The following ZNF407 variants were observed in gnomAD, a reference collection of about 807,000 sequenced individuals.
The protein encoded by ZNF407 is zinc finger protein 407.
In ZNF407, 17 loss-of-function variants were observed where a neutral mutation model predicts 131.2. The observed-to-expected ratio is 0.13, with a 90% confidence interval of 0.09 to 0.19. The LOEUF is 0.19. Among genes scored for constraint, ZNF407 ranks in the 10% least tolerant of loss-of-function variants. The probability of loss-of-function intolerance (pLI) is 1.00; values close to 1 mark genes in which losing one functional copy is unlikely to be tolerated. For synonymous variants in ZNF407, 1,156 were observed against 1,062.0 expected (o/e 1.09, Z -1.72); for missense variants, 2,681 against 2,830.6 (o/e 0.95, Z 1.20).
chr18:74,846,143 A>C (rs984902552), intron 4 of ZNF407, among the ~76,000 whole-genome samples: 5 of 152,206 alleles, frequency 3.3e-5, no homozygotes, highest in Non-Finnish European at 7.3e-5. Context: ...TGAACATTCA[A>C]AATGGTCTAT....
At chr18:74,994,932 C>T (rs753549859) in intron 8 of ZNF407, among the ~76,000 whole-genome samples, 2 of 152,038 alleles carry the variant, frequency 1.3e-5, no homozygotes, top group African/African-American at 2.4e-5. Flanking sequence ...ATAAAAGCAA[C>T]GAAATTTCAA....
rs1283245803 is a variant in ZNF407 at position 74,880,820 on chromosome 18, G to A, written c.5045-216G>A. On this transcript the variant is annotated intron_variant, in intron 5 of 8. Transcript: ENST00000299687. ...ACAAAACCATTCCATTGATAATAAA[G>A]CTAATTTTTATGGGTCTGACAAGTA... 3.9e-5 allele frequency among the ~76,000 whole-genome samples: 6 copies of A among 152,312 alleles called. No individual in the cohort carries two copies. The East Asian group carries it at 1.2e-3, about 29-fold the overall frequency.
intron 8 of ZNF407, among the ~76,000 whole-genome samples, chr18:74,948,248 T>C (rs753345400): frequency 6.6e-6 from 1 of 152,232 alleles, no homozygotes; most frequent in African/African-American, 2.4e-5. Context: ...CAGTAGCGGC[T>C]TTTTTCACTT....
intron 1 of ZNF407, among the ~76,000 whole-genome samples, chr18:74,630,653 A>T (rs529462138): frequency 9.3e-5 from 14 of 151,012 alleles, no homozygotes; most frequent in South Asian, 4.2e-4. Flanking sequence ...TTTTTTTTTT[A>T]AAAGGGTAGT....
rs148612524 is a variant in ZNF407, at chr18:74,785,674, G to A, written c.4877+4172G>A. On this transcript the variant is annotated intron_variant, in intron 4 of 8. Transcript: ENST00000299687. ...CTATTTTTCAAGTTTACACAGGAGC[G>A]TCACCTTTTTTTTATGAAACATGAA... Among the ~76,000 whole-genome samples the A allele has an allele frequency of 9.2e-3, 1,394 of 152,248 alleles. 23 individuals are homozygous for A. The highest frequency in any genetic ancestry group is 0.03 in the African/African-American group (1,259 of 41,518).
intron 1 of ZNF407, among the ~76,000 whole-genome samples, chr18:74,627,235 G>A (rs1983823306): frequency 6.6e-6 from 1 of 152,130 alleles, no homozygotes; most frequent in South Asian, 2.1e-4. Flanking sequence ...GTTGGACAAT[G>A]TATCTGTTTT....
chr18:74,636,344 C>A (rs1201138482), intron 2 of ZNF407, among the ~76,000 whole-genome samples: 3 of 151,190 alleles, frequency 2.0e-5, no homozygotes, highest in African/African-American at 7.3e-5. Context: ...TTTAAAAAAA[C>A]ATTTTTTTTT....
At chr18:74,684,583 A>G (rs981896720) in intron 3 of ZNF407, among the ~76,000 whole-genome samples, 19 of 152,332 alleles carry the variant, frequency 1.2e-4, no homozygotes, top group Middle Eastern at 6.8e-3. Context: ...GAGATTTTAC[A>G]GATTGTAAAC....
At position 75,064,969 on chromosome 18, in the gene ZNF407, T is replaced by C. The variant is rs1448946598; in HGVS notation, c.*501T>C. ...CTGGGCTAAAAATTGCAGCTACAAG[T>C]GTTACCATCTTGAAGCAGTCCACTT... On this transcript the variant is annotated 3_prime_UTR_variant, in exon 9 of 9. Transcript: ENST00000299687. The C allele has an allele frequency of 6.5e-6, 1 of 152,952 alleles. No individual in the cohort carries two copies. Among genetic ancestry groups the C allele is most frequent in the East Asian group, 1.9e-4 (1 of 5,202 alleles). The allele number at this position is 152,952 out of a possible 1,614,324, so 9.5% of individuals were successfully genotyped here.
At chr18:74,766,730 A>G (rs1413881182) in intron 3 of ZNF407, among the ~76,000 whole-genome samples, 1 of 152,204 alleles carries the variant, frequency 6.6e-6, no homozygotes, top group African/African-American at 2.4e-5. Flanking sequence ...CCAAAAGGGA[A>G]TACACTAGCC....
At chr18:74,610,935 C>T (rs1983032642) in intron 1 of ZNF407, among the ~76,000 whole-genome samples, 1 of 152,178 alleles carries the variant, frequency 6.6e-6, no homozygotes, top group Non-Finnish European at 1.5e-5. Flanking sequence ...AAATAACCTT[C>T]CAAATGTTCA....
intron 6 of ZNF407, among the ~76,000 whole-genome samples, chr18:74,885,825 C>G (rs565326307): frequency 7.9e-5 from 12 of 152,186 alleles, no homozygotes; most frequent in Admixed American, 2.6e-4. Flanking sequence ...TCAAAATGAT[C>G]ATAATCTAAA....
At position 75,063,175 on chromosome 18, in the gene ZNF407, C is replaced by T. The variant is rs774290682; in HGVS notation, c.5454C>T (p.Cys1818=). The change falls in exon 9 of 9, where the codon TGC becomes TGT. Residue 1818 remains cysteine, a synonymous_variant. Coordinates refer to ENST00000299687, the MANE Select transcript of ZNF407 (RefSeq NM_017757.3). The surrounding 1 kb of genome is among the most constrained non-coding windows in gnomAD (Gnocchi z 6.6). ...HAGIVSKSYE[C]RLKGQGATFV... ...GCATTGTTTCCAAGTCGTACGAGTG[C>T]CGTCTAAAGGGACAAGGAGCCACCT... 12 of 1,593,258 alleles carry T rather than the reference C, an allele frequency of 7.5e-6. No homozygotes were observed. Among genetic ancestry groups the T allele is most frequent in the Non-Finnish European group, 1.0e-5 (12 of 1,169,620 alleles).
intron 7 of ZNF407, among the ~76,000 whole-genome samples, chr18:74,916,803 TGC>T (rs1281160655): frequency 1.3e-5 from 2 of 148,624 alleles, no homozygotes; most frequent in Non-Finnish European, 3.0e-5. Context: ...TGTGTGTGTG[TGC>T]ATGTGTGTGC....
chr18:74,626,388 T>C (rs1012236182), intron 1 of ZNF407, among the ~76,000 whole-genome samples: 3 of 152,216 alleles, frequency 2.0e-5, no homozygotes, highest in Non-Finnish European at 4.4e-5. Context: ...TGAAAAAATA[T>C]GTTTTAAAAA....
At chr18:74,826,532 A>G (rs1426395972) in intron 4 of ZNF407, among the ~76,000 whole-genome samples, 1 of 152,198 alleles carries the variant, frequency 6.6e-6, no homozygotes, top group Non-Finnish European at 1.5e-5. Flanking sequence ...GGAAATACCC[A>G]TGTCATATCT....
chr18:74,865,001 G>A (rs950456846), intron 4 of ZNF407, among the ~76,000 whole-genome samples: 13 of 152,202 alleles, frequency 8.5e-5, no homozygotes, highest in African/African-American at 3.1e-4. Context: ...TTAGCTGTCA[G>A]CTCCATAGGG....
At chr18:74,775,413 G>A (rs1312534038) in intron 3 of ZNF407, among the ~76,000 whole-genome samples, 7 of 152,112 alleles carry the variant, frequency 4.6e-5, no homozygotes, top group Non-Finnish European at 8.8e-5. Flanking sequence ...TAAATTATTC[G>A]TGACTGTTTC....
At chr18:74,637,175 A>G (rs1002963013) in intron 2 of ZNF407, among the ~76,000 whole-genome samples, 1 of 152,220 alleles carries the variant, frequency 6.6e-6, no homozygotes, top group Non-Finnish European at 1.5e-5. Flanking sequence ...GAGTAAGGCT[A>G]ATAATTTAAA....
Sources: allele counts gnomAD v4.1 joint callset (sites outside exome capture counted in the v4.1 genomes callset), GRCh38; gene constraint gnomAD v4.1.1; non-coding constraint Gnocchi (gnomAD v3.1); transcripts MANE v1.5; gene names NCBI Gene and HGNC (gene_info 2026-07-23, HGNC 2026-07-21).